The following PER1 variants were observed in gnomAD, a reference collection of about 807,000 sequenced individuals.
PER1 encodes period circadian regulator 1, also known as period circadian protein homolog 1.
PER1 carries 87 observed loss-of-function variants against 125.9 expected under a neutral mutation model. The ratio of observed to expected loss-of-function variants is 0.69; its 90% CI spans 0.58 to 0.83. PER1 has a LOEUF of 0.83. PER1 is among the 40% of genes least tolerant of loss of function. PER1 has a pLI of 0.00. For synonymous variants in PER1, 801 were observed against 714.7 expected (o/e 1.12, Z -1.93); for missense variants, 1,775 against 1,722.8 (o/e 1.03, Z -0.54).
intron 18 of PER1, 87 bp downstream of exon 18, chr17:8,144,664 C>G: frequency 6.6e-7 from 1 of 1,508,412 alleles, no homozygotes; most frequent in East Asian, 2.5e-5. Flanking sequence ...GTCCCTGGAG[C>G]AGAAACACCT....
chr17:8,145,480 C>G (rs955221821), intron 17 of PER1, among the ~76,000 whole-genome samples: 1 of 152,042 alleles, frequency 6.6e-6, no homozygotes, highest in South Asian at 2.1e-4. Flanking sequence ...CGCGCCACCA[C>G]GCCCGGCTAA....
rs529522864 is a variant in PER1, at chr17:8,145,148, G to A, written c.2219-155C>T. 5 of 722,670 alleles carry A rather than the reference G, an allele frequency of 6.9e-6. No homozygotes were observed. In the South Asian group the frequency reaches 2.3e-4, roughly 34 times the overall value. The allele number at this position is 722,670 out of a possible 1,614,324, so 44.8% of individuals were successfully genotyped here. A position where few individuals can be genotyped will look rare whatever the true frequency, so the allele number is the denominator to read the frequency against. On this transcript the variant is annotated intron_variant, in intron 17 of 22. Transcript: ENST00000317276. The stretch of plus-strand genomic sequence containing the variant: ...ATGTACGTTTCTTGGTCACCTCTCT[G>A]CCAACGGCTGGCCCTGGGTCCTCCT...
chr17:8,146,464 C>T lies in PER1; in HGVS notation c.1946G>A (p.Arg649His), dbSNP rs561768572. 12 of 1,613,722 alleles carry T rather than the reference C, an allele frequency of 7.4e-6. No individual in the cohort carries two copies. The highest frequency in any genetic ancestry group is 3.3e-5 in the South Asian group (3 of 91,010). The part of the protein sequence containing the change: ...ESCNLPSTTK[R>H]KCASSSSYTT... ...ATAGGAGGAGGAGGAGGCACATTTA[C>T]GCTTAGTGGTGCTGGGGAGGTTGCA... The change falls in exon 16 of 23, where the codon CGT (arginine) becomes CAT (histidine). Residue 649 changes from arginine to histidine, a missense_variant. Arg to His is a conservative substitution (Grantham distance 29, BLOSUM62 0). Coordinates refer to ENST00000317276, the MANE Select transcript of PER1 (RefSeq NM_002616.3).
At chr17:8,148,600 C>A in intron 8 of PER1, 44 bp downstream of exon 8, 1 of 1,553,756 alleles carries the variant, frequency 6.4e-7, no homozygotes. Flanking sequence ...GAGGAAATGT[C>A]CTTCCTCCCA....
Position 8,148,689 on chromosome 17 carries a change from G to A in PER1, c.1003C>T (p.Pro335Ser), listed in dbSNP as rs775791207. 5 of 1,613,752 alleles carry A rather than the reference G, an allele frequency of 3.1e-6. No homozygotes were observed. The South Asian group carries it at 3.3e-5, about 11-fold the overall frequency. The change falls in exon 8 of 23, where the codon CCG (proline) becomes TCG (serine). Residue 335 changes from proline to serine, a missense_variant. By Grantham distance (74) the Pro-to-Ser change is moderately conservative. Transcript: ENST00000317276. ...CGCTCTGCAATCAGCAGGCAGCACG[G>A]CTGTGCAGGGGCCCCATCTGAGACC... ...IRVSDGAPAQ[P>S]CCLLIAERIH...
intron 18 of PER1, 105 bp from the exon 19 acceptor site, chr17:8,143,981 C>T (rs1982265223): frequency 6.8e-7 from 1 of 1,464,652 alleles, no homozygotes; most frequent in Non-Finnish European, 9.0e-7. Flanking sequence ...GGCCAAGGTC[C>T]CAGAGAGAGC....
In PER1 at chr17:8,150,209, C is replaced by G. The variant is rs1315593927; in HGVS notation, c.374+10G>C. 6.3e-7 allele frequency: 1 copy of G among 1,589,044 alleles called. No individual in the cohort carries two copies. Among genetic ancestry groups the G allele is most frequent in the Non-Finnish European group, 8.6e-7 (1 of 1,163,298 alleles). On this transcript the variant is annotated intron_variant, in intron 3 of 22. Transcript: ENST00000317276. ...CCCCCAGACCTCTCCTCCAGCCTCA[C>G]CCGACGTACCTGCAGCCACTGGTGG...
Position 8,142,755 on chromosome 17 carries a change from C to G in PER1, c.3153G>C (p.Ser1051=). 6.2e-7 allele frequency: 1 copy of G among 1,613,848 alleles called. No homozygotes were observed. Among genetic ancestry groups the G allele is most frequent in the Non-Finnish European group, 8.5e-7 (1 of 1,180,010 alleles). Residue 1051 remains serine, a synonymous_variant, in exon 20 of 23, where the codon TCG becomes TCC. Coordinates refer to ENST00000317276, the MANE Select transcript of PER1 (RefSeq NM_002616.3). ...AGGCTGCGGAGCCTGTGCCGGAGCGCGAGTCCTCTTGCAGCAGAAGTTCGA... is the reference window on the plus strand; with the variant it reads ...AGGCTGCGGAGCCTGTGCCGGAGCGGGAGTCCTCTTGCAGCAGAAGTTCGA... ...DLLELLLQED[S]RSGTGSAASG...
intron 7 of PER1, 94 bp from the exon 8 acceptor site, chr17:8,148,880 G>T (rs1982633369): frequency 1.0e-5 from 15 of 1,458,658 alleles, no homozygotes; most frequent in Non-Finnish European, 1.1e-5. Flanking sequence ...AAAGACGCTG[G>T]GGAGGGGGCA....
chr17:8,150,772 T>C lies in PER1; in HGVS notation c.-66A>G. 1 of 1,437,410 alleles carries C rather than the reference T, an allele frequency of 7.0e-7. No homozygotes were observed. Among genetic ancestry groups the C allele is most frequent in the Non-Finnish European group, 9.2e-7 (1 of 1,081,108 alleles). 89.0% of individuals were successfully genotyped at this position (1,437,410 alleles called of 1,614,324 possible). On this transcript the variant is annotated 5_prime_UTR_variant, in exon 2 of 23. Coordinates refer to ENST00000317276, the MANE Select transcript of PER1 (RefSeq NM_002616.3). ...GCCACCACGGATGCACGAGGGGGCC[T>C]GGAGGCTTGGCTGAGGGAGTGAGGT...
intron 19 of PER1, 121 bp from the exon 20 acceptor site, chr17:8,142,956 C>T (rs1170294174): frequency 4.0e-6 from 3 of 759,134 alleles, no homozygotes; most frequent in Non-Finnish European, 4.3e-6. Context: ...CTCCCCACTT[C>T]GTGACAGTAG....
Position 8,142,449 on chromosome 17 carries a change from T to C in PER1, c.3269A>G (p.Gln1090Arg). 2 of 1,580,016 alleles carry C rather than the reference T, an allele frequency of 1.3e-6. No homozygotes were observed. Among genetic ancestry groups the C allele is most frequent in the Non-Finnish European group, 1.7e-6 (2 of 1,161,762 alleles). Residue 1090 changes from glutamine (Q) to arginine (R), a missense_variant, in exon 21 of 23, where the codon CAG becomes CGG. Physicochemically the swap from Gln to Arg is conservative, Grantham distance 43. Transcript: ENST00000317276. ...STSASITRSS[Q>R]SSHTSKYFGS... ...AAAGTATTTGCTTGTGTGGCTGCTC[T>C]GGCTGCTGCCTGTGAAGTGGGGGGC...
At chr17:8,143,165 G>A in intron 19 of PER1, 101 bp downstream of exon 19, 1 of 905,452 alleles carries the variant, frequency 1.1e-6, no homozygotes, top group Non-Finnish European at 1.6e-6. Flanking sequence ...ACCTCCTGGA[G>A]GCTGAGACGC....
Position 8,144,823 on chromosome 17 carries a change from G to C in PER1, c.2389C>G (p.Arg797Gly). ...TQKEEQAFLS[R>G]FRDLGRLRGL... ...CGCAGCCTGCCCAGGTCTCGGAAGC[G>C]GCTGAGGAAGGCTTGCTCTTCCTTC... The change falls in exon 18 of 23, where the codon CGC becomes GGC. Residue 797 changes from arginine to glycine, a missense_variant. By Grantham distance (125) the Arg-to-Gly change is moderately radical (BLOSUM62 -2). Transcript: ENST00000317276. 1.3e-6 allele frequency: 2 copies of C among 1,584,748 alleles called. No individual in the cohort carries two copies. The highest frequency in any genetic ancestry group is 1.2e-5 in the South Asian group (1 of 86,892).
chr17:8,144,982 T>G lies in PER1; in HGVS notation c.2230A>C (p.Met744Leu). ...GGGGCTAGGCCAGGCAGGTCCTCCA[T>G]CATGATGATGTCTGAGGAGAGTGAG... The part of the protein sequence containing the change: ...KKPPESDIIM[M>L]EDLPGLAPGP... The change falls in exon 18 of 23, where the codon ATG becomes CTG. Residue 744 changes from methionine (M) to leucine (L), a missense_variant. Met to Leu is a conservative substitution (Grantham distance 15, BLOSUM62 2). Coordinates refer to ENST00000317276, the MANE Select transcript of PER1 (RefSeq NM_002616.3). 6.7e-7 allele frequency: 1 copy of G among 1,496,118 alleles called. No individual in the cohort carries two copies. Among genetic ancestry groups the G allele is most frequent in the Non-Finnish European group, 8.9e-7 (1 of 1,123,042 alleles). The allele number at this position is 1,496,118 out of a possible 1,614,324, so 92.7% of individuals were successfully genotyped here.
At chr17:8,147,228 GA>G in intron 13 of PER1, 21 bp downstream of exon 13, 1 of 1,592,478 alleles carries the variant, frequency 6.3e-7, no homozygotes, top group South Asian at 1.1e-5. Flanking sequence ...ATTAGAGGGT[GA>G]GGTAGGAGCA....
At chr17:8,147,954 G>C (rs201440292) in intron 10 of PER1, 43 bp downstream of exon 10, 1 of 1,590,920 alleles carries the variant, frequency 6.3e-7, no homozygotes, top group East Asian at 2.3e-5. Context: ...CCACTCAAAA[G>C]CCCAGGACAG....
intron 13 of PER1, 52 bp downstream of exon 13, chr17:8,147,198 G>A: frequency 6.4e-7 from 1 of 1,560,194 alleles, no homozygotes; most frequent in Non-Finnish European, 8.7e-7. Flanking sequence ...CTGGTTCCAA[G>A]AAGGAGAGGG....
Position 8,147,779 on chromosome 17 carries a change from C to G in PER1, c.1283G>C (p.Cys428Ser). The G allele has an allele frequency of 6.2e-7, 1 of 1,614,042 alleles. No individual in the cohort carries two copies. The highest frequency in any genetic ancestry group is 1.1e-5 in the South Asian group (1 of 91,084). Residue 428 changes from cysteine (C) to serine (S), a missense_variant, in exon 11 of 23, where the codon TGT (cysteine) becomes TCT (serine). Cys to Ser is a moderately radical substitution (Grantham distance 112). Transcript: ENST00000317276. The stretch of plus-strand genomic sequence containing the variant: ...GGTGACATACTCCCCGTTGCGGGCA[C>G]AGAAGCGGATAGGGGAGTGGTCAAA... Reference protein sequence around the residue: ...QPFDHSPIRFCARNGEYVTMD... With the variant: ...QPFDHSPIRFSARNGEYVTMD...
Sources: gnomAD v4.1 joint callset for allele counts (sites outside exome capture counted in the v4.1 genomes callset) on GRCh38, gnomAD v4.1.1 for gene constraint, MANE v1.5 for transcripts, NCBI Gene and HGNC (gene_info 2026-07-23, HGNC 2026-07-21) for gene names.